Variants in SGMS1 observed in about 807,000 individuals in gnomAD.
SGMS1 encodes phosphatidylcholine:ceramide cholinephosphotransferase 1.
Under a neutral mutation model 46.2 loss-of-function variants are expected in SGMS1, and 13 were observed. That is an observed-to-expected ratio of 0.28 (90% CI 0.18 to 0.45). The LOEUF is 0.45. Ranked by LOEUF, SGMS1 falls within the 20% of genes least tolerant of loss-of-function variation. The probability of loss-of-function intolerance (pLI) is 1.00; values close to 1 mark genes in which losing one functional copy is unlikely to be tolerated. For missense variants in SGMS1, 324 were observed against 519.9 expected (o/e 0.62, Z 3.66); for synonymous variants, 203 against 187.8 (o/e 1.08, Z -0.66).
intron 2 of SGMS1, among the ~76,000 whole-genome samples, chr10:50,549,656 GTAACAAATC>G (rs994264724): frequency 2.0e-4 from 30 of 152,246 alleles, no homozygotes; most frequent in African/African-American, 7.2e-4. Flanking sequence ...GTTTACCTAT[GTAACAAATC>G]TGCACATCCT....
At chr10:50,476,917 G>T (rs1348486014) in intron 3 of SGMS1, among the ~76,000 whole-genome samples, 5 of 152,254 alleles carry the variant, frequency 3.3e-5, no homozygotes, top group Non-Finnish European at 5.9e-5. Context: ...CCAGACAGAA[G>T]TCTGCTGCAG....
chr10:50,544,060 T>C (rs1201790886), intron 2 of SGMS1, among the ~76,000 whole-genome samples: 1 of 152,218 alleles, frequency 6.6e-6, no homozygotes, highest in Admixed American at 6.5e-5. Context: ...CTTGGATGTG[T>C]AGGTTCTGAT....
chr10:50,416,456 T>C (rs948615106), intron 6 of SGMS1, among the ~76,000 whole-genome samples: 7 of 152,240 alleles, frequency 4.6e-5, no homozygotes, highest in Non-Finnish European at 7.3e-5. Flanking sequence ...TCAGCTTTTA[T>C]ACAACTATTA....
chr10:50,497,283 C>T (rs1254908688), intron 3 of SGMS1, among the ~76,000 whole-genome samples: 1 of 152,210 alleles, frequency 6.6e-6, no homozygotes, highest in Non-Finnish European at 1.5e-5. Context: ...GTGTGAGCTC[C>T]ATTCACCACT....
At chr10:50,412,578 G>A (rs939903635) in intron 6 of SGMS1, among the ~76,000 whole-genome samples, 5 of 152,282 alleles carry the variant, frequency 3.3e-5, no homozygotes, top group African/African-American at 1.2e-4. Context: ...TCACATGAAA[G>A]CTTTATCTTT....
chr10:50,570,033 A>G (rs1386627614), intron 2 of SGMS1, among the ~76,000 whole-genome samples: 3 of 152,162 alleles, frequency 2.0e-5, no homozygotes, highest in Non-Finnish European at 4.4e-5. Flanking sequence ...TCTTAAAACC[A>G]TTTTACATTA....
At chr10:50,424,973 A>G (rs1849304562) in intron 6 of SGMS1, among the ~76,000 whole-genome samples, 1 of 152,146 alleles carries the variant, frequency 6.6e-6, no homozygotes, top group African/African-American at 2.4e-5. Context: ...TACAAAAAAA[A>G]TGATCAGCCA....
At chr10:50,581,348 G>T (rs1024768790) in intron 2 of SGMS1, among the ~76,000 whole-genome samples, 2 of 152,194 alleles carry the variant, frequency 1.3e-5, no homozygotes, top group Admixed American at 6.5e-5. Context: ...TCCTGAGGCT[G>T]CAGGTTATGC....
At chr10:50,567,241 G>A (rs996175183) in intron 2 of SGMS1, among the ~76,000 whole-genome samples, 6 of 152,072 alleles carry the variant, frequency 3.9e-5, no homozygotes, top group Non-Finnish European at 7.4e-5. Flanking sequence ...CATCGCACCC[G>A]GCCTATACTG....
At position 50,309,259 on chromosome 10, in the gene SGMS1, A is replaced by C. The variant is rs141564567; in HGVS notation, c.896-1111T>G. Among the ~76,000 whole-genome samples the C allele has an allele frequency of 6.7e-3, 1,023 of 152,306 alleles. 4 individuals carry two copies. The highest frequency in any genetic ancestry group is 0.01 in the Non-Finnish European group (704 of 68,024). On this transcript the variant is annotated intron_variant, in intron 9 of 10. Transcript: ENST00000361781. ...TATTTGATACCTTGACAATACAAAA[A>C]CAAGAAACAGCTACCATTCAGTCTC...
intron 5 of SGMS1, among the ~76,000 whole-genome samples, chr10:50,456,098 T>A (rs992026647): frequency 6.6e-6 from 1 of 152,204 alleles, no homozygotes; most frequent in African/African-American, 2.4e-5. Flanking sequence ...GAAGTAATAC[T>A]GTCTGGGTGT....
chr10:50,520,381 CA>C (rs143925495), intron 2 of SGMS1, among the ~76,000 whole-genome samples: 28 of 147,552 alleles, frequency 1.9e-4, no homozygotes, highest in African/African-American at 6.5e-4. Context: ...GACCCCATCT[CA>C]AAAAAAAAAC....
chr10:50,542,720 ATATAT>A (rs985626610), intron 2 of SGMS1, among the ~76,000 whole-genome samples: 60 of 148,136 alleles, frequency 4.1e-4, no homozygotes, highest in African/African-American at 1.2e-3. Context: ...TAAATATTAT[ATATAT>A]TATATTATAT....
chr10:50,316,298 T>C (rs921278226), intron 8 of SGMS1, among the ~76,000 whole-genome samples: 3 of 152,210 alleles, frequency 2.0e-5, no homozygotes, highest in African/African-American at 4.8e-5. Context: ...GGAGCAGAAA[T>C]GCGATTTAAA....
intron 8 of SGMS1, among the ~76,000 whole-genome samples, chr10:50,312,829 G>A (rs1348709797): frequency 5.3e-5 from 8 of 152,142 alleles, no homozygotes; most frequent in South Asian, 2.1e-4. Context: ...GACTCACTAC[G>A]ATGCCAAAAA....
intron 6 of SGMS1, among the ~76,000 whole-genome samples, chr10:50,399,340 G>C (rs1211176925): frequency 6.6e-6 from 1 of 152,042 alleles, no homozygotes; most frequent in African/African-American, 2.4e-5. Flanking sequence ...TAAAAGGTAT[G>C]CAACTATTGA....
intron 5 of SGMS1, among the ~76,000 whole-genome samples, chr10:50,437,487 A>T (rs1417978727): frequency 6.6e-6 from 1 of 152,220 alleles, no homozygotes; most frequent in African/African-American, 2.4e-5. Flanking sequence ...GTCTAGCTTT[A>T]GTCTTTGTTC....
chr10:50,325,690 C>T (rs1185404883), intron 8 of SGMS1, among the ~76,000 whole-genome samples: 1 of 152,192 alleles, frequency 6.6e-6, no homozygotes, highest in African/African-American at 2.4e-5. Flanking sequence ...AAGTTTAGAA[C>T]CAGAGTAGGG....
rs148460673 is a variant in SGMS1 at position 50,311,247 on chromosome 10, G to A, written c.895+15C>T. The stretch of plus-strand genomic sequence containing the variant: ...GGCAGGTGAGGAAATTACAATGGAA[G>A]TCTTTTAGACTTACACTCTTTGATA... On this transcript the variant is annotated intron_variant, in intron 9 of 10. Coordinates refer to ENST00000361781, the MANE Select transcript of SGMS1 (RefSeq NM_147156.4). 951 of 1,602,416 alleles carry A rather than the reference G, an allele frequency of 5.9e-4. 24 individuals are homozygous for A. In the East Asian group the frequency reaches 0.021, roughly 35 times the overall value.
Sources: gnomAD v4.1 joint callset for allele counts (sites outside exome capture counted in the v4.1 genomes callset) on GRCh38, gnomAD v4.1.1 for gene constraint, MANE v1.5 for transcripts, NCBI Gene and HGNC (gene_info 2026-07-23, HGNC 2026-07-21) for gene names.